Variants in MGST1 observed in about 807,000 individuals in gnomAD.
MGST1 encodes glutathione S-transferase 12.
In MGST1, 5 loss-of-function variants were observed where a neutral mutation model predicts 8.9. That is an observed-to-expected ratio of 0.56 (90% confidence interval 0.29 to 1.19). The LOEUF is 1.19. Ranked by LOEUF, MGST1 falls within the 50% of genes most tolerant of loss-of-function variation. The pLI is 0.08. For missense variants in MGST1, 182 were observed against 187.4 expected, an observed-to-expected ratio of 0.97 and a Z score of 0.17; for synonymous variants, 54 against 67.8, an observed-to-expected ratio of 0.80 and a Z score of 1.00.
intron 1 of MGST1, among the ~76,000 whole-genome samples, chr12:16,414,530 C>T (rs974994209): frequency 1.3e-5 from 2 of 151,762 alleles, no homozygotes; most frequent in African/African-American, 2.4e-5. Flanking sequence ...ATTCTCCTGC[C>T]TCAGCCTCCC....
intron 4 of MGST1, among the ~76,000 whole-genome samples, chr12:16,469,420 T>G (rs1004926141): frequency 3.3e-5 from 5 of 152,078 alleles, no homozygotes; most frequent in Non-Finnish European, 7.4e-5. Flanking sequence ...AACTCCTGAC[T>G]TCAGATGATC....
chr12:16,479,068 C>A (rs1805363792), intron 4 of MGST1, among the ~76,000 whole-genome samples: 1 of 151,890 alleles, frequency 6.6e-6, no homozygotes, highest in African/African-American at 2.4e-5. Flanking sequence ...CGTGATGTGT[C>A]TGGTTTCTCT....
intron 4 of MGST1, among the ~76,000 whole-genome samples, chr12:16,526,056 A>G (rs2137195204): frequency 6.9e-6 from 1 of 144,282 alleles, no homozygotes; most frequent in South Asian, 2.2e-4. Context: ...CCTTTGTCAG[A>G]TGAGTAGGTT....
intron 4 of MGST1, among the ~76,000 whole-genome samples, chr12:16,498,301 C>T (rs968963408): frequency 2.6e-5 from 4 of 152,176 alleles, no homozygotes; most frequent in Non-Finnish European, 5.9e-5. Context: ...GTATCTCTCC[C>T]TGGAAGCCAT....
At chr12:16,416,656 A>G (rs780198956) in intron 1 of MGST1, among the ~76,000 whole-genome samples, 8 of 152,078 alleles carry the variant, frequency 5.3e-5, no homozygotes, top group Non-Finnish European at 1.2e-4. Flanking sequence ...ATCTCCAAAT[A>G]CCATCACATT....
intron 4 of MGST1, among the ~76,000 whole-genome samples, chr12:16,468,303 A>T (rs746691002): frequency 1.1e-4 from 17 of 152,360 alleles, no homozygotes; most frequent in Admixed American, 3.9e-4. Flanking sequence ...GTATATACAT[A>T]TGCAGATTCA....
intron 4 of MGST1, among the ~76,000 whole-genome samples, chr12:16,580,454 G>A (rs1943124855): frequency 6.6e-6 from 1 of 152,220 alleles, no homozygotes; most frequent in Non-Finnish European, 1.5e-5. Context: ...TCAAGATTAA[G>A]AGAAACTTCA....
Position 16,546,820 on chromosome 12 carries a change from C to T in MGST1, n.483-42708C>T, listed in dbSNP as rs1941829337. ...TCCCTTCCCCTACTGCTGTCATTAT[C>T]CACAAACCCACCCCAACCAAGCCTG... On this transcript the variant is annotated intron_variant and non_coding_transcript_variant, in intron 4 of 4. Coordinates refer to the MGST1 transcript ENST00000538857. The surrounding 1 kb of genome is among the most constrained non-coding windows in gnomAD (Gnocchi z 4.7). Among the ~76,000 whole-genome samples the T allele has an allele frequency of 6.6e-6, 1 of 151,894 alleles. No homozygotes were observed. Among genetic ancestry groups the T allele is most frequent in the Non-Finnish European group, 1.5e-5 (1 of 67,944 alleles).
At chr12:16,425,070 A>ACCATGCC (rs1940874097) in intron 1 of MGST1, among the ~76,000 whole-genome samples, 1 of 152,112 alleles carries the variant, frequency 6.6e-6, no homozygotes, top group Admixed American at 6.5e-5. Context: ...TTGCCCTAAC[A>ACCATGCC]CTGAATCAAT....
intron 4 of MGST1, among the ~76,000 whole-genome samples, chr12:16,489,379 T>C (rs1941422437): frequency 6.6e-6 from 1 of 152,176 alleles, no homozygotes; most frequent in Non-Finnish European, 1.5e-5. Flanking sequence ...ATAGTGTTAA[T>C]ATTGCCTTCA....
chr12:16,585,886 T>C lies in MGST1; in HGVS notation n.483-3642T>C, dbSNP rs543864959. ...ATGATTCACAGGCCCAAGTAAAACA[T>C]CATTTAGTCATTTATAGTCTCAGAA... On this transcript the variant is annotated intron_variant and non_coding_transcript_variant, in intron 4 of 4. Coordinates refer to the MGST1 transcript ENST00000538857. This position sits in a 1 kb window ranked among gnomAD's most constrained non-coding sequence, Gnocchi z 4.7. Among the ~76,000 whole-genome samples the C allele has an allele frequency of 6.6e-6, 1 of 152,268 alleles. No individual in the cohort carries two copies. The highest frequency in any genetic ancestry group is 3.4e-3 in the Middle Eastern group (1 of 294).
chr12:16,501,476 A>G (rs1394116446), intron 4 of MGST1, among the ~76,000 whole-genome samples: 3 of 152,220 alleles, frequency 2.0e-5, no homozygotes, highest in Non-Finnish European at 4.4e-5. Flanking sequence ...ATTTACTGCC[A>G]TATGTTACTT....
chr12:16,456,538 G>T (rs1056228332), intron 4 of MGST1, among the ~76,000 whole-genome samples: 2 of 151,838 alleles, frequency 1.3e-5, no homozygotes, highest in Non-Finnish European at 2.9e-5. Flanking sequence ...AGTTAGATAG[G>T]AATATGAAAA....
chr12:16,401,013 C>T lies in MGST1; in HGVS notation n.778+17409C>T. 6.4e-7 allele frequency: 1 copy of T among 1,551,282 alleles called. No individual in the cohort carries two copies. Among genetic ancestry groups the T allele is most frequent in the Non-Finnish European group, 8.9e-7 (1 of 1,123,342 alleles). On this transcript the variant is annotated intron_variant and non_coding_transcript_variant, in intron 1 of 1. Transcript: ENST00000359720. This position sits in a 1 kb window ranked among gnomAD's most constrained non-coding sequence, Gnocchi z 4.3. Reference sequence around the variant, plus strand: ...TTTTGATGTGCTCTTCACTTCTCTTCTGCAGTCATTTCATTCCTGTTCTTT... The same window carrying T: ...TTTTGATGTGCTCTTCACTTCTCTTTTGCAGTCATTTCATTCCTGTTCTTT...
At chr12:16,519,950 A>G (rs989483252) in intron 4 of MGST1, among the ~76,000 whole-genome samples, 2 of 152,200 alleles carry the variant, frequency 1.3e-5, no homozygotes, top group Admixed American at 6.5e-5. Flanking sequence ...AATCAGATAC[A>G]TGTTGCCTCT....
intron 1 of MGST1, among the ~76,000 whole-genome samples, chr12:16,395,780 CATATATATATATAT>C (rs369986291): frequency 7.4e-5 from 9 of 121,896 alleles, no homozygotes; most frequent in South Asian, 2.7e-4. Context: ...AGTATTCCAT[CATATATATATATAT>C]ATATATATAT....
At chr12:16,506,459 T>C (rs1941538471) in intron 4 of MGST1, among the ~76,000 whole-genome samples, 1 of 152,100 alleles carries the variant, frequency 6.6e-6, no homozygotes, top group Admixed American at 6.6e-5. Flanking sequence ...TACTTCTGCT[T>C]GTAAGATATG....
intron 1 of MGST1, among the ~76,000 whole-genome samples, chr12:16,411,196 G>C (rs191234716): frequency 5.9e-4 from 90 of 152,222 alleles, no homozygotes; most frequent in African/African-American, 2.1e-3. Flanking sequence ...CTTCATGTAG[G>C]CTCTAAGCTG....
chr12:16,588,845 C>T (rs1378526013), intron 4 of MGST1, among the ~76,000 whole-genome samples: 1 of 152,046 alleles, frequency 6.6e-6, no homozygotes, highest in Admixed American at 6.6e-5. Flanking sequence ...TGTTTAATTT[C>T]TCCCTTATCT....
Sources: gnomAD v4.1 joint callset for allele counts (sites outside exome capture counted in the v4.1 genomes callset) on GRCh38, gnomAD v4.1.1 for gene constraint, Gnocchi (gnomAD v3.1) non-coding constraint, MANE v1.5 for transcripts, NCBI Gene and HGNC (gene_info 2026-07-23, HGNC 2026-07-21) for gene names.